Variants in FER observed in about 807,000 individuals in gnomAD.
The protein encoded by FER is FER tyrosine kinase.
Under a neutral mutation model 111.0 loss-of-function variants are expected in FER, and 63 were observed. That is an observed-to-expected ratio of 0.57 (90% CI 0.46 to 0.70). The LOEUF (loss-of-function observed/expected upper bound fraction) is 0.70, where lower values mean the gene tolerates loss of function less well. Ranked by LOEUF, FER falls within the 30% of genes least tolerant of loss-of-function variation. The pLI is 0.00. For missense variants in FER, 914 were observed against 954.0 expected (o/e 0.96, Z 0.55); for synonymous variants, 327 against 313.9 (o/e 1.04, Z -0.44).
intron 5 of FER, among the ~76,000 whole-genome samples, chr5:108,849,029 G>C (rs1420841807): frequency 1.3e-5 from 2 of 150,670 alleles, no homozygotes. Flanking sequence ...CCTTATCTTA[G>C]TTGCTCTGAA....
chr5:108,928,047 A>G (rs1754030344), intron 10 of FER, among the ~76,000 whole-genome samples: 1 of 152,228 alleles, frequency 6.6e-6, no homozygotes, highest in Admixed American at 6.5e-5. Flanking sequence ...GCTGAAAGCA[A>G]CCCTAACTGA....
intron 16 of FER, among the ~76,000 whole-genome samples, chr5:109,078,536 GTT>G (rs1321627953): frequency 6.6e-6 from 1 of 152,060 alleles, no homozygotes. Flanking sequence ...TTTCTCTTGA[GTT>G]TACCTCAAGA....
At chr5:108,999,364 T>G (rs1185412768) in intron 13 of FER, among the ~76,000 whole-genome samples, 3 of 152,200 alleles carry the variant, frequency 2.0e-5, no homozygotes, top group Non-Finnish European at 2.9e-5. Flanking sequence ...GTGGCTCTGG[T>G]TCATTTGTTT....
intron 6 of FER, among the ~76,000 whole-genome samples, chr5:108,870,684 A>G (rs1288576382): frequency 1.3e-5 from 2 of 152,156 alleles, no homozygotes; most frequent in African/African-American, 4.8e-5. Context: ...ATTTCAGCAT[A>G]TGCAGGATAA....
At chr5:108,928,588 G>C (rs1218186271) in intron 10 of FER, among the ~76,000 whole-genome samples, 1 of 152,062 alleles carries the variant, frequency 6.6e-6, no homozygotes, top group Non-Finnish European at 1.5e-5. Flanking sequence ...CTTTCTGATT[G>C]TTTAGTTTTA....
chr5:109,135,714 C>T (rs1337654617), intron 17 of FER, among the ~76,000 whole-genome samples: 4 of 152,234 alleles, frequency 2.6e-5, no homozygotes, highest in Admixed American at 1.3e-4. Context: ...GTCTTATTCC[C>T]ATTTCTTTGT....
intron 2 of FER, among the ~76,000 whole-genome samples, chr5:108,777,935 CAT>C (rs1405994949): frequency 6.6e-6 from 1 of 152,200 alleles, no homozygotes; most frequent in African/African-American, 2.4e-5. Context: ...CCTCCCACAA[CAT>C]GTGGGAATTA....
intron 1 of FER, among the ~76,000 whole-genome samples, chr5:108,761,400 A>G (rs575874588): frequency 5.1e-4 from 78 of 152,280 alleles, no homozygotes; most frequent in African/African-American, 1.8e-3. Flanking sequence ...AAGAAGAAGG[A>G]GAGGGAGTAG....
chr5:109,106,512 A>G (rs148798465), intron 17 of FER, among the ~76,000 whole-genome samples: 29 of 151,920 alleles, frequency 1.9e-4, no homozygotes, highest in Non-Finnish European at 4.1e-4. Context: ...AATTTTGAAT[A>G]TATTAAGCTG....
At chr5:108,776,658 G>A (rs62361338) in intron 2 of FER, among the ~76,000 whole-genome samples, 37,260 of 151,998 alleles carry the variant, frequency 0.25, 4,824 homozygotes, top group African/African-American at 0.32. Flanking sequence ...TTTAAAAACT[G>A]TGTATTTATA....
At chr5:109,033,719 C>G (rs991769436) in intron 13 of FER, among the ~76,000 whole-genome samples, 1 of 152,144 alleles carries the variant, frequency 6.6e-6, no homozygotes, top group East Asian at 1.9e-4. Context: ...GGGAGTTTGC[C>G]TCTCTATCAA....
intron 10 of FER, among the ~76,000 whole-genome samples, chr5:108,915,209 A>G (rs1752104475): frequency 6.6e-6 from 1 of 152,194 alleles, no homozygotes; most frequent in Non-Finnish European, 1.5e-5. Flanking sequence ...CCAGTGGCTC[A>G]TGCCTGTAAT....
chr5:108,881,588 G>T (rs1367783943), intron 8 of FER, among the ~76,000 whole-genome samples: 1 of 152,146 alleles, frequency 6.6e-6, no homozygotes, highest in Non-Finnish European at 1.5e-5. Flanking sequence ...TGAAACAACA[G>T]AAATGATTTC....
intron 17 of FER, among the ~76,000 whole-genome samples, chr5:109,139,150 A>G (rs1561944396): frequency 1.3e-5 from 2 of 152,112 alleles, no homozygotes; most frequent in Non-Finnish European, 2.9e-5. Flanking sequence ...CTCAAAAGGA[A>G]CACAGCGGAG....
At chr5:108,758,714 A>C (rs1442721597) in intron 1 of FER, among the ~76,000 whole-genome samples, 1 of 152,146 alleles carries the variant, frequency 6.6e-6, no homozygotes, top group Non-Finnish European at 1.5e-5. Context: ...TTAGGTGCTA[A>C]TTACTGGAAC....
At chr5:109,058,842 C>T (rs774624539) in intron 16 of FER, among the ~76,000 whole-genome samples, 1 of 147,166 alleles carries the variant, frequency 6.8e-6, no homozygotes, top group Non-Finnish European at 1.5e-5. Flanking sequence ...AAGAGATTCT[C>T]CTGCCTCAGC....
intron 13 of FER, among the ~76,000 whole-genome samples, chr5:108,981,889 G>A (rs940506456): frequency 6.6e-6 from 1 of 152,084 alleles, no homozygotes. Context: ...GAGAGTGCCT[G>A]TAATTTCATG....
chr5:108,940,759 T>G (rs1023271030), intron 10 of FER, among the ~76,000 whole-genome samples: 3 of 152,218 alleles, frequency 2.0e-5, no homozygotes, highest in Non-Finnish European at 4.4e-5. Flanking sequence ...ACTTGAGAGA[T>G]ACTTCAGATG....
At chr5:108,861,708 T>G (rs1446797634) in intron 5 of FER, among the ~76,000 whole-genome samples, 1 of 152,218 alleles carries the variant, frequency 6.6e-6, no homozygotes, top group African/African-American at 2.4e-5. Context: ...GAAAGTATAT[T>G]AGTGATCTAA....
Sources: gnomAD v4.1 joint callset for allele counts (sites outside exome capture counted in the v4.1 genomes callset) on GRCh38, gnomAD v4.1.1 for gene constraint, MANE v1.5 for transcripts, NCBI Gene and HGNC (gene_info 2026-07-23, HGNC 2026-07-21) for gene names.